The following TRMT9B variants were observed in gnomAD, a reference collection of about 807,000 sequenced individuals.
The protein encoded by TRMT9B is tRNA methyltransferase 9B (putative), also known as probable tRNA methyltransferase 9B.
In TRMT9B, 16 loss-of-function variants were observed where a neutral mutation model predicts 11.5. That is an observed-to-expected ratio of 1.39 (90% confidence interval 0.94 to 2.11). TRMT9B has a LOEUF of 2.11. Among genes scored for constraint, TRMT9B ranks in the 30% most tolerant of loss-of-function variants. The pLI is 0.00. For missense variants in TRMT9B, 941 were observed against 553.8 expected (o/e 1.70, Z -7.02); for synonymous variants, 274 against 192.4 (o/e 1.42, Z -3.51).
chr8:13,027,032 C>A lies in TRMT9B; in HGVS notation c.*4988C>A, dbSNP rs1221727480. 1 of 167,026 alleles carries A rather than the reference C, an allele frequency of 6.0e-6. No homozygotes were observed. The highest frequency in any genetic ancestry group is 1.5e-5 in the Non-Finnish European group (1 of 68,112). 10.3% of individuals were successfully genotyped at this position (167,026 alleles called of 1,614,324 possible). A position where few individuals can be genotyped will look rare whatever the true frequency, so the allele number is the denominator to read the frequency against. The stretch of plus-strand genomic sequence containing the variant: ...TTGGTTGCAAAATATTCTGGGACCA[C>A]TTTTCTCCAACTCTTCAACCTTTCA... On this transcript the variant is annotated 3_prime_UTR_variant, in exon 5 of 5. Transcript: ENST00000524591.
In TRMT9B at chr8:13,021,230, C is replaced by G. The variant is rs1033460214; in HGVS notation, c.551C>G (p.Pro184Arg). 1.2e-6 allele frequency: 2 copies of G among 1,613,866 alleles called. No individual in the cohort carries two copies. The highest frequency in any genetic ancestry group is 2.2e-5 in the South Asian group (2 of 91,062). ...GGGAGGAAGAGGCAGTGTGGATACC[C>G]AGAAAGAGGCCATCCCTACCATCCT... The part of the protein sequence containing the change: ...QSGRKRQCGY[P>R]ERGHPYHPPC... Residue 184 changes from proline (P) to arginine (R), a missense_variant, in exon 5 of 5, where the codon CCA becomes CGA. Pro to Arg is a moderately radical substitution (Grantham distance 103). Transcript: ENST00000524591.
intron 1 of TRMT9B, among the ~76,000 whole-genome samples, chr8:12,978,563 G>A (rs557787045): frequency 6.7e-6 from 1 of 148,294 alleles, no homozygotes; most frequent in Non-Finnish European, 1.5e-5. Context: ...TAGATAGATA[G>A]ATAGATTCTT....
rs368503127 is a variant in TRMT9B, at chr8:13,021,115, C to A, written c.436C>A (p.Gln146Lys). The part of the protein sequence containing the change: ...QLMIYVWAME[Q>K]KNRHFEKQDV... ...GATGATTTACGTTTGGGCAATGGAA[C>A]AAAAGAACCGTCACTTTGAGAAGCA... Residue 146 changes from glutamine (Q) to lysine (K), a missense_variant, in exon 5 of 5, where the codon CAA becomes AAA. By Grantham distance (53) the Gln-to-Lys change is moderately conservative (BLOSUM62 1). Transcript: ENST00000524591. 9 of 1,612,426 alleles carry A rather than the reference C, an allele frequency of 5.6e-6. No individual in the cohort carries two copies. The highest frequency in any genetic ancestry group is 1.3e-5 in the African/African-American group (1 of 74,898).
intron 1 of TRMT9B, among the ~76,000 whole-genome samples, chr8:12,964,372 C>A (rs748509706): frequency 6.6e-6 from 1 of 152,156 alleles, no homozygotes; most frequent in Non-Finnish European, 1.5e-5. Flanking sequence ...TAGCCACTCA[C>A]CAGAACATTT....
intron 2 of TRMT9B, among the ~76,000 whole-genome samples, chr8:13,004,158 T>C (rs559619696): frequency 6.6e-6 from 1 of 152,064 alleles, no homozygotes; most frequent in South Asian, 2.1e-4. Context: ...CAGTCTGAAC[T>C]TGAGTTCCGG....
intron 1 of TRMT9B, among the ~76,000 whole-genome samples, chr8:12,946,546 C>T (rs1284866459): frequency 6.6e-6 from 1 of 152,048 alleles, no homozygotes; most frequent in Non-Finnish European, 1.5e-5. Flanking sequence ...ACCTCAGGTT[C>T]GAATGTGTTG....
chr8:12,996,614 C>G (rs1195996703), intron 2 of TRMT9B, among the ~76,000 whole-genome samples: 2 of 152,196 alleles, frequency 1.3e-5, no homozygotes, highest in African/African-American at 4.8e-5. Context: ...TGGCAGAACA[C>G]AGATGAGAGA....
At chr8:13,020,687 A>G (rs1198053624) in intron 4 of TRMT9B, among the ~76,000 whole-genome samples, 1 of 152,208 alleles carries the variant, frequency 6.6e-6, no homozygotes, top group Non-Finnish European at 1.5e-5. Context: ...AATCCATAGT[A>G]TTTTGGAACT....
chr8:13,020,758 A>G (rs991780107), intron 4 of TRMT9B, among the ~76,000 whole-genome samples: 1 of 152,208 alleles, frequency 6.6e-6, no homozygotes, highest in South Asian at 2.1e-4. Flanking sequence ...GAAACTTAAA[A>G]TCTGTAGAAC....
rs1811723400 is a variant in TRMT9B, at chr8:13,012,130, C to T, written c.155-554C>T. On this transcript the variant is annotated intron_variant, in intron 3 of 4. Coordinates refer to ENST00000524591, the MANE Select transcript of TRMT9B (RefSeq NM_020844.3). ...GCGCCAGTGTACTGAGCCCTGTGGA[C>T]ATCACCTCATTAAATATTCAATAAA... The T allele has an allele frequency of 8.1e-6, 8 of 985,490 alleles. No homozygotes were observed. The African/African-American group carries it at 1.0e-4, about 13-fold the overall frequency. 61.0% of individuals were successfully genotyped at this position (985,490 alleles called of 1,614,324 possible).
At chr8:12,975,310 A>G (rs1332972125) in intron 1 of TRMT9B, among the ~76,000 whole-genome samples, 1 of 152,230 alleles carries the variant, frequency 6.6e-6, no homozygotes, top group Non-Finnish European at 1.5e-5. Context: ...GATATACTTG[A>G]TATAGATAAC....
intron 1 of TRMT9B, among the ~76,000 whole-genome samples, chr8:12,957,753 A>T (rs1046159170): frequency 6.6e-6 from 1 of 152,248 alleles, no homozygotes; most frequent in African/African-American, 2.4e-5. Flanking sequence ...CATTGATTTT[A>T]AAAAATTGTA....
At chr8:12,947,594 C>G (rs747841551) in intron 1 of TRMT9B, among the ~76,000 whole-genome samples, 1 of 152,242 alleles carries the variant, frequency 6.6e-6, no homozygotes, top group Non-Finnish European at 1.5e-5. Flanking sequence ...TATGGCAACA[C>G]ATGCATATTA....
chr8:13,001,993 A>G (rs886557338), intron 2 of TRMT9B, among the ~76,000 whole-genome samples: 11 of 152,222 alleles, frequency 7.2e-5, no homozygotes, highest in African/African-American at 2.7e-4. Context: ...TCATGTGGAA[A>G]CTATTATAGG....
At chr8:12,987,660 C>G (rs932934823) in intron 1 of TRMT9B, among the ~76,000 whole-genome samples, 1 of 149,904 alleles carries the variant, frequency 6.7e-6, no homozygotes, top group African/African-American at 2.5e-5. Context: ...CCACTGCACT[C>G]CAGCCTGGGC....
At chr8:12,952,196 G>C (rs1800716931) in intron 1 of TRMT9B, 1 of 453,316 alleles carries the variant, frequency 2.2e-6, no homozygotes, top group Admixed American at 2.4e-5. Context: ...CGTGCGGAAA[G>C]CGCCGGCGAC....
chr8:12,976,413 C>T (rs561859276), intron 1 of TRMT9B, among the ~76,000 whole-genome samples: 1 of 150,780 alleles, frequency 6.6e-6, no homozygotes, highest in South Asian at 2.1e-4. Flanking sequence ...TCAGCAGCAA[C>T]GTTGTGTGAG....
At position 12,968,698 on chromosome 8, in the gene TRMT9B, A is replaced by T. The variant is rs1262615618; in HGVS notation, c.-199-22136A>T. On this transcript the variant is annotated intron_variant, in intron 1 of 4. Transcript: ENST00000524591. ...CAGCCTGAGCAGCTGGCAGTCCAGA[A>T]GGCCCCTCCCTGAGTCGCGAGAGTG... Among the ~76,000 whole-genome samples, 5 of 152,180 alleles carry T rather than the reference A, an allele frequency of 3.3e-5. No homozygotes were observed. The East Asian group carries it at 9.6e-4, about 29-fold the overall frequency.
chr8:13,000,838 C>A (rs767832033), intron 2 of TRMT9B, among the ~76,000 whole-genome samples: 19 of 152,078 alleles, frequency 1.2e-4, no homozygotes, highest in Non-Finnish European at 2.2e-4. Flanking sequence ...TTGTAAGAAA[C>A]AGAAGTGAGT....
Sources: gnomAD v4.1 joint callset for allele counts (sites outside exome capture counted in the v4.1 genomes callset) on GRCh38, gnomAD v4.1.1 for gene constraint, MANE v1.5 for transcripts, NCBI Gene and HGNC (gene_info 2026-07-23, HGNC 2026-07-21) for gene names.